The following CELF5 variants were observed in gnomAD, a reference collection of about 807,000 sequenced individuals.
CELF5 encodes CUG-BP and ETR-3 like factor 5.
In CELF5, 6 loss-of-function variants were observed where a neutral mutation model predicts 54.9. The observed-to-expected ratio is 0.11, with a 90% CI of 0.06 to 0.22. The LOEUF is 0.22. Ranked by LOEUF, CELF5 falls within the 10% of genes least tolerant of loss-of-function variation. CELF5 has a pLI of 1.00. For synonymous variants in CELF5, 271 were observed against 290.9 expected (o/e 0.93, Z 0.70); for missense variants, 401 against 678.6 (o/e 0.59, Z 4.54).
At chr19:3,279,994 T>G (rs1317694771) in intron 5 of CELF5, among the ~76,000 whole-genome samples, 3 of 152,128 alleles carry the variant, frequency 2.0e-5, no homozygotes, top group Admixed American at 6.5e-5. Flanking sequence ...TGAGCCACTG[T>G]GCCCGGCCAC....
chr19:3,246,618 C>T (rs551287725), intron 1 of CELF5, among the ~76,000 whole-genome samples: 41 of 151,846 alleles, frequency 2.7e-4, no homozygotes, highest in African/African-American at 8.9e-4. Flanking sequence ...GAGGCTGAGG[C>T]CAGAGGATCA....
At position 3,241,099 on chromosome 19, in the gene CELF5, G is replaced by A. The variant is rs144664957; in HGVS notation, c.260-9886G>A. On this transcript the variant is annotated intron_variant, in intron 1 of 12. Coordinates refer to ENST00000292672, the MANE Select transcript of CELF5 (RefSeq NM_021938.4). The stretch of plus-strand genomic sequence containing the variant: ...TTTTTTTGAGGCGGAGTCTTGCTCT[G>A]TCACCAGGCTGGAGCGCAGTGGCAC... 1.9e-3 allele frequency among the ~76,000 whole-genome samples: 285 copies of A among 146,860 alleles called. 1 individual carries two copies. Among genetic ancestry groups the A allele is most frequent in the African/African-American group, 6.9e-3 (273 of 39,676 alleles).
intron 10 of CELF5, among the ~76,000 whole-genome samples, chr19:3,288,814 A>G (rs982525770): frequency 9.9e-5 from 15 of 151,914 alleles, no homozygotes; most frequent in South Asian, 2.1e-4. Context: ...TGCCACTGCA[A>G]TCCAGCCTGG....
chr19:3,278,642 C>T lies in CELF5; in HGVS notation c.603+532C>T, dbSNP rs797022203. 1.0e-4 allele frequency among the ~76,000 whole-genome samples: 15 copies of T among 150,696 alleles called. No homozygotes were observed. Among genetic ancestry groups the T allele is most frequent in the African/African-American group, 3.7e-4 (15 of 41,040 alleles). On this transcript the variant is annotated intron_variant, in intron 5 of 12. Transcript: ENST00000292672. This position sits in a 1 kb window ranked among gnomAD's most constrained non-coding sequence, Gnocchi z 4.5. Reference sequence around the variant, plus strand: ...TGCCTGGGCCACGGGGGAGGAAGCACATGTGTGTGCATCTGCAGGTGCATT... The same window carrying T: ...TGCCTGGGCCACGGGGGAGGAAGCATATGTGTGTGCATCTGCAGGTGCATT...
intron 1 of CELF5, among the ~76,000 whole-genome samples, chr19:3,247,511 C>T (rs2079584095): frequency 6.6e-6 from 1 of 151,590 alleles, no homozygotes; most frequent in Non-Finnish European, 1.5e-5. Flanking sequence ...ATCCTCCCGC[C>T]TCAGCCTCCC....
chr19:3,273,448 G>A (rs2079998621), intron 2 of CELF5, among the ~76,000 whole-genome samples: 1 of 152,076 alleles, frequency 6.6e-6, no homozygotes, highest in Admixed American at 6.5e-5. Flanking sequence ...AAGGTCTCTT[G>A]AGGCTTAGGC....
At chr19:3,246,669 C>T (rs901172964) in intron 1 of CELF5, among the ~76,000 whole-genome samples, 41 of 152,100 alleles carry the variant, frequency 2.7e-4, no homozygotes, top group African/African-American at 9.4e-4. Flanking sequence ...GCTGTGATCA[C>T]ACCACTGCAC....
At position 3,266,635 on chromosome 19, in the gene CELF5, G is replaced by A. The variant is rs574618403; in HGVS notation, c.343-7237G>A. Among the ~76,000 whole-genome samples, 30 of 152,322 alleles carry A rather than the reference G, an allele frequency of 2.0e-4. 1 individual carries two copies. The highest frequency in any genetic ancestry group is 6.0e-4 in the African/African-American group (25 of 41,562). On this transcript the variant is annotated intron_variant, in intron 2 of 12. Coordinates refer to ENST00000292672, the MANE Select transcript of CELF5 (RefSeq NM_021938.4). ...CAAGGGTGTTCTTTGGTGGACACAC[G>A]TCACACTTCTCTCAAGTGTATCCCC...
At chr19:3,250,918 G>T in intron 1 of CELF5, 67 bp from the exon 2 acceptor site, 1 of 1,160,752 alleles carries the variant, frequency 8.6e-7, no homozygotes, top group African/African-American at 1.5e-5. Context: ...TGGCCACTGT[G>T]GGTGGTGCTG....
intron 12 of CELF5, chr19:3,294,442 A>G (rs183669030): frequency 9.9e-5 from 15 of 151,694 alleles, no homozygotes; most frequent in African/African-American, 2.9e-4. Flanking sequence ...CGCTGTCGTC[A>G]TCAGAGTCTC....
At chr19:3,273,767 G>T in intron 2 of CELF5, 105 bp from the exon 3 acceptor site, 1 of 766,558 alleles carries the variant, frequency 1.3e-6, no homozygotes, top group Non-Finnish European at 2.3e-6. Context: ...CTGAGGGCTG[G>T]TGGTGGGAGG....
chr19:3,274,055 C>A (rs1015457533), intron 3 of CELF5, 132 bp downstream of exon 3: 10 of 851,502 alleles, frequency 1.2e-5, no homozygotes, highest in Admixed American at 2.2e-5. Context: ...GGCCTCCCTG[C>A]CCCAAAGCAT....
At chr19:3,266,983 C>T (rs1445203177) in intron 2 of CELF5, among the ~76,000 whole-genome samples, 1 of 152,124 alleles carries the variant, frequency 6.6e-6, no homozygotes, top group East Asian at 1.9e-4. Context: ...GCCTGGGAGT[C>T]GGGGAGGAGC....
intron 1 of CELF5, among the ~76,000 whole-genome samples, chr19:3,236,584 A>G (rs1917609833): frequency 1.3e-5 from 2 of 152,176 alleles, no homozygotes; most frequent in South Asian, 2.1e-4. Flanking sequence ...AAGAGGATGA[A>G]CAGCAATGTA....
intron 1 of CELF5, among the ~76,000 whole-genome samples, chr19:3,236,027 C>CT (rs1192060917): frequency 6.6e-6 from 1 of 152,074 alleles, no homozygotes; most frequent in Non-Finnish European, 1.5e-5. Flanking sequence ...AAGGAACCCC[C>CT]ATATGTCAGG....
Position 3,252,459 on chromosome 19 carries a change from G to T in CELF5, c.342+1392G>T, listed in dbSNP as rs866906452. Reference sequence around the variant, plus strand: ...TCCCCAGGCCATGCCTCTTGATGGAGACTGAAGGAACCACAGTGAGCCACG... The same window carrying T: ...TCCCCAGGCCATGCCTCTTGATGGATACTGAAGGAACCACAGTGAGCCACG... On this transcript the variant is annotated intron_variant, in intron 2 of 12. Coordinates refer to ENST00000292672, the MANE Select transcript of CELF5 (RefSeq NM_021938.4). 3.9e-5 allele frequency among the ~76,000 whole-genome samples: 6 copies of T among 152,164 alleles called. No individual in the cohort carries two copies. The South Asian group carries it at 1.2e-3, about 31-fold the overall frequency.
intron 2 of CELF5, among the ~76,000 whole-genome samples, chr19:3,259,155 A>G (rs1330765889): frequency 1.3e-5 from 2 of 152,170 alleles, no homozygotes; most frequent in Non-Finnish European, 1.5e-5. Flanking sequence ...AAAACTTACC[A>G]AGATTTGGAG....
intron 2 of CELF5, among the ~76,000 whole-genome samples, chr19:3,257,146 G>C (rs1244600588): frequency 6.6e-6 from 1 of 152,168 alleles, no homozygotes; most frequent in Non-Finnish European, 1.5e-5. Context: ...GGTCAGGGAA[G>C]GCCTCTCTGA....
rs1281984272 is a variant in CELF5, at chr19:3,281,164, C to T, written c.604-35C>T. The T allele has an allele frequency of 2.5e-6, 4 of 1,591,762 alleles. No individual in the cohort carries two copies. Among genetic ancestry groups the T allele is most frequent in the Non-Finnish European group, 3.4e-6 (4 of 1,171,536 alleles). Reference sequence around the variant, plus strand: ...CCCCAGAGTCCTGGCTACCTCCCAGCCCGTTTCCCTCCCTGCTCGCCGCTG... The same window carrying T: ...CCCCAGAGTCCTGGCTACCTCCCAGTCCGTTTCCCTCCCTGCTCGCCGCTG... On this transcript the variant is annotated intron_variant, in intron 5 of 12. Coordinates refer to ENST00000292672, the MANE Select transcript of CELF5 (RefSeq NM_021938.4). The surrounding 1 kb of genome is among the most constrained non-coding windows in gnomAD (Gnocchi z 6.5).
Sources: gnomAD v4.1 joint callset for allele counts (sites outside exome capture counted in the v4.1 genomes callset) on GRCh38, gnomAD v4.1.1 for gene constraint, Gnocchi (gnomAD v3.1) non-coding constraint, MANE v1.5 for transcripts, NCBI Gene and HGNC (gene_info 2026-07-23, HGNC 2026-07-21) for gene names.